The following CBFA2T2 variants were observed in gnomAD, a reference collection of about 807,000 sequenced individuals.
The protein encoded by CBFA2T2 is CBFA2/RUNX1 partner transcriptional co-repressor 2.
Under a neutral mutation model 62.2 loss-of-function variants are expected in CBFA2T2, and 11 were observed. That is an observed-to-expected ratio of 0.18 (90% CI 0.11 to 0.29). CBFA2T2 has a LOEUF of 0.29. CBFA2T2 is among the 10% of genes least tolerant of loss of function. The pLI is 1.00. For synonymous variants in CBFA2T2, 295 were observed against 287.5 expected (o/e 1.03, Z -0.27); for missense variants, 592 against 774.1 (o/e 0.76, Z 2.79).
intron 1 of CBFA2T2, among the ~76,000 whole-genome samples, chr20:33,527,687 TTTTTC>T (rs1173268894): frequency 3.3e-5 from 5 of 151,700 alleles, no homozygotes; most frequent in South Asian, 2.1e-4. Flanking sequence ...GTCTTATTGT[TTTTTC>T]TTTTCTTTTC....
intron 1 of CBFA2T2, among the ~76,000 whole-genome samples, chr20:33,510,180 A>G (rs1205630752): frequency 6.7e-6 from 1 of 149,848 alleles, no homozygotes; most frequent in Non-Finnish European, 1.5e-5. Context: ...ATAGTATTCC[A>G]TGGTGTATAT....
rs375191236 is a variant in CBFA2T2 at position 33,625,027 on chromosome 20, C to T, written c.946+10C>T. On this transcript the variant is annotated intron_variant, in intron 6 of 10. Transcript: ENST00000342704. ...AGACACCACAGTCTTGGTAAGCAAC[C>T]GAAGCAGCATGGTAAATTCAGACTG... 1.8e-5 allele frequency: 29 copies of T among 1,606,906 alleles called. No individual in the cohort carries two copies. In the African/African-American group the frequency reaches 2.5e-4, roughly 14 times the overall value.
chr20:33,642,105 C>CTTT (rs576434212), intron 10 of CBFA2T2, among the ~76,000 whole-genome samples: 2 of 73,916 alleles, frequency 2.7e-5, no homozygotes, highest in African/African-American at 4.9e-5. Flanking sequence ...CCTCCTTTGT[C>CTTT]TTTTTTTTTT....
At chr20:33,502,495 C>T (rs2011307156) in intron 1 of CBFA2T2, among the ~76,000 whole-genome samples, 1 of 151,922 alleles carries the variant, frequency 6.6e-6, no homozygotes, top group Non-Finnish European at 1.5e-5. Context: ...CAAGCTCCGC[C>T]TCCCGGGTTC....
Position 33,490,101 on chromosome 20 carries a change from C to A in CBFA2T2, c.-167C>A, listed in dbSNP as rs899753676. On this transcript the variant is annotated 5_prime_UTR_variant, in exon 1 of 11. Transcript: ENST00000342704. ...GGGCGCGGCCTAACGGCGGCGGCGG[C>A]GGCGGCGACGGCGACAGCAGCGGTG... 4 of 648,856 alleles carry A rather than the reference C, an allele frequency of 6.2e-6. No individual in the cohort carries two copies. The highest frequency in any genetic ancestry group is 4.0e-5 in the African/African-American group (2 of 50,620). The allele number at this position is 648,856 out of a possible 1,614,324, so 40.2% of individuals were successfully genotyped here.
At chr20:33,642,119 TGTGTGTGTGTGTGTGTGTGTG>T (rs2016878942) in intron 10 of CBFA2T2, among the ~76,000 whole-genome samples, 1 of 28,856 alleles carries the variant, frequency 3.5e-5, no homozygotes, top group African/African-American at 1.6e-4. Flanking sequence ...TTTTTTTTTG[TGTGTGTGTGTGTGTGTGTGTG>T]TGTGTGTGTG....
At chr20:33,568,161 G>A (rs1375451538) in intron 1 of CBFA2T2, among the ~76,000 whole-genome samples, 1 of 152,086 alleles carries the variant, frequency 6.6e-6, no homozygotes, top group Non-Finnish European at 1.5e-5. Flanking sequence ...TGTAAAATGG[G>A]AATAAAAATG....
chr20:33,560,029 G>A (rs184089357), intron 1 of CBFA2T2, among the ~76,000 whole-genome samples: 1 of 152,306 alleles, frequency 6.6e-6, no homozygotes, highest in East Asian at 1.9e-4. Context: ...AGTGCTAGAA[G>A]TGAAAGACCC....
intron 1 of CBFA2T2, among the ~76,000 whole-genome samples, chr20:33,535,845 C>A (rs1391568159): frequency 2.6e-5 from 4 of 151,906 alleles, no homozygotes; most frequent in Non-Finnish European, 5.9e-5. Flanking sequence ...TCCCTGGGTA[C>A]TTGAGATTAG....
intron 3 of CBFA2T2, among the ~76,000 whole-genome samples, chr20:33,619,262 G>A (rs57305220): frequency 0.016 from 2,368 of 152,096 alleles, 64 homozygotes; most frequent in African/African-American, 0.054. Flanking sequence ...GCTCTCCCTT[G>A]TAATCCCACC....
intron 7 of CBFA2T2, among the ~76,000 whole-genome samples, 188 bp downstream of exon 7, chr20:33,628,623 C>T (rs1055013575): frequency 6.6e-6 from 1 of 152,144 alleles, no homozygotes; most frequent in Non-Finnish European, 1.5e-5. Flanking sequence ...TGTACGCCAC[C>T]GTGCCTGGCT....
chr20:33,520,545 T>A (rs1320657716), intron 1 of CBFA2T2, among the ~76,000 whole-genome samples: 1 of 152,020 alleles, frequency 6.6e-6, no homozygotes, highest in Non-Finnish European at 1.5e-5. Context: ...CCAAGGCAGG[T>A]GGATCACTGG....
At chr20:33,595,768 G>C (rs575092141) in intron 1 of CBFA2T2, among the ~76,000 whole-genome samples, 39 of 151,374 alleles carry the variant, frequency 2.6e-4, no homozygotes, top group Non-Finnish European at 3.8e-4. Flanking sequence ...TTGTACTTCT[G>C]AGCTGACTCG....
At chr20:33,503,649 T>C (rs1414054395) in intron 1 of CBFA2T2, among the ~76,000 whole-genome samples, 1 of 152,182 alleles carries the variant, frequency 6.6e-6, no homozygotes, top group Non-Finnish European at 1.5e-5. Context: ...TCTTTTTTTC[T>C]TGGTGCTTCT....
intron 1 of CBFA2T2, among the ~76,000 whole-genome samples, chr20:33,498,591 A>AGAGAGGT (rs1023465113): frequency 1.3e-5 from 2 of 152,058 alleles, no homozygotes; most frequent in Non-Finnish European, 1.5e-5. Context: ...AAAAATCAGC[A>AGAGAGGT]GAGAGGTTGG....
At chr20:33,634,865 T>A (rs2016582545) in intron 8 of CBFA2T2, among the ~76,000 whole-genome samples, 1 of 152,098 alleles carries the variant, frequency 6.6e-6, no homozygotes, top group African/African-American at 2.4e-5. Flanking sequence ...GAGGTAAGCC[T>A]CTAATATTGG....
chr20:33,584,432 T>C (rs1021964856), intron 1 of CBFA2T2, among the ~76,000 whole-genome samples: 1 of 151,822 alleles, frequency 6.6e-6, no homozygotes, highest in African/African-American at 2.4e-5. Flanking sequence ...TTTTTTGGTA[T>C]TTTTAGTAGA....
intron 1 of CBFA2T2, among the ~76,000 whole-genome samples, chr20:33,576,903 CTA>C (rs2013853164): frequency 6.6e-6 from 1 of 152,240 alleles, no homozygotes; most frequent in South Asian, 2.1e-4. Flanking sequence ...GTGGAGTGGT[CTA>C]TGAGATCTTA....
At chr20:33,643,813 AT>A (rs2122404247) in intron 10 of CBFA2T2, among the ~76,000 whole-genome samples, 2 of 51,892 alleles carry the variant, frequency 3.9e-5, no homozygotes, top group African/African-American at 1.2e-4. Flanking sequence ...ATATATATAT[AT>A]ATAGTATATA....
Sources: gnomAD v4.1 joint callset for allele counts (sites outside exome capture counted in the v4.1 genomes callset) on GRCh38, gnomAD v4.1.1 for gene constraint, MANE v1.5 for transcripts, NCBI Gene and HGNC (gene_info 2026-07-23, HGNC 2026-07-21) for gene names.